Variants in RICTOR observed in about 807,000 individuals in gnomAD.
RICTOR encodes the protein RPTOR independent companion of MTOR complex 2.
In RICTOR, 49 loss-of-function variants were observed where a neutral mutation model predicts 214.9. That is an observed-to-expected ratio of 0.23 (90% CI 0.18 to 0.29). The LOEUF is 0.29. Ranked by LOEUF, RICTOR falls within the 10% of genes least tolerant of loss-of-function variation. RICTOR has a pLI of 1.00. For missense variants in RICTOR, 1,625 were observed against 2,047.0 expected, an observed-to-expected ratio of 0.79 and a Z score of 3.98; for synonymous variants, 717 against 711.3, an observed-to-expected ratio of 1.01 and a Z score of -0.13.
chr5:39,049,474 C>G (rs910483853), intron 2 of RICTOR, among the ~76,000 whole-genome samples: 8 of 152,102 alleles, frequency 5.3e-5, no homozygotes, highest in Non-Finnish European at 8.8e-5. Flanking sequence ...AACTATGGCA[C>G]CAAAGCAGCC....
intron 21 of RICTOR, among the ~76,000 whole-genome samples, 172 bp downstream of exon 21, chr5:38,959,607 A>C (rs1170149826): frequency 6.6e-6 from 1 of 152,180 alleles, no homozygotes; most frequent in East Asian, 1.9e-4. Context: ...AGCTTTTTGG[A>C]AAGAAAGCAT....
At position 38,939,295 on chromosome 5, in the gene RICTOR, G is replaced by C. The variant is rs1487588236; in HGVS notation, c.*3009C>G. ...GAATTATCTCAAGCTCTAGATAAAA[G>C]AGCTGAAACCCATTAAAGTTGTCAT... is the stretch of plus-strand genomic sequence containing the variant. On this transcript the variant is annotated 3_prime_UTR_variant, in exon 38 of 38. Coordinates refer to ENST00000357387, the MANE Select transcript of RICTOR (RefSeq NM_152756.5). 2 of 232,234 alleles carry C rather than the reference G, an allele frequency of 8.6e-6. No homozygotes were observed. Among genetic ancestry groups the C allele is most frequent in the African/African-American group, 2.2e-5 (1 of 45,274 alleles). 14.4% of individuals were successfully genotyped at this position (232,234 alleles called of 1,614,324 possible).
chr5:38,965,939 T>C (rs1040844875), intron 15 of RICTOR, among the ~76,000 whole-genome samples: 3 of 152,162 alleles, frequency 2.0e-5, no homozygotes, highest in Admixed American at 6.5e-5. Context: ...GTTCTTTTTA[T>C]TTTGTATTTA....
chr5:38,959,947 T>G lies in RICTOR; in HGVS notation c.1883A>C (p.Lys628Thr), dbSNP rs1579918843. 1.2e-6 allele frequency: 2 copies of G among 1,612,224 alleles called. No individual in the cohort carries two copies. Among genetic ancestry groups the G allele is most frequent in the Middle Eastern group, 3.4e-4 (2 of 5,964 alleles). ...AGCATTGAGCCACTGAACAATATCCTTTACTAGATCTTCTAAGTAGCCTTG... is the reference window on the plus strand; with the variant it reads ...AGCATTGAGCCACTGAACAATATCCGTTACTAGATCTTCTAAGTAGCCTTG... The part of the protein sequence containing the change: ...DGQGYLEDLV[K>T]DIVQWLNASS... The change falls in exon 21 of 38, where the codon AAG becomes ACG. Residue 628 changes from lysine (K) to threonine (T), a missense_variant. Around this residue, in one of 5 missense-constraint regions of RICTOR, gnomAD observed 1,214 missense variants for 1,470.5 expected, o/e 0.83. Transcript: ENST00000357387.
chr5:39,002,569 C>A lies in RICTOR; in HGVS notation c.358G>T (p.Val120Leu), dbSNP rs1753725658. ...LIQDSSILQK[V>L]LKLKVDYLIA... ...AAATAGTCCACTTTCAATTTTAGCA[C>A]CTTCTGGAGAATACTGGAGTCTTGG... The change falls in exon 5 of 38, where the codon GTG becomes TTG. Residue 120 changes from valine (V) to leucine (L), a missense_variant. Val to Leu is a conservative substitution (Grantham distance 32). This residue lies in a region of RICTOR where 258 missense variants were observed against 393.7 expected (regional missense o/e 0.66). Coordinates refer to ENST00000357387, the MANE Select transcript of RICTOR (RefSeq NM_152756.5). 3 of 1,610,390 alleles carry A rather than the reference C, an allele frequency of 1.9e-6. No individual in the cohort carries two copies. The highest frequency in any genetic ancestry group is 2.7e-5 in the African/African-American group (2 of 74,768).
At chr5:39,019,146 C>T (rs1360711165) in intron 3 of RICTOR, among the ~76,000 whole-genome samples, 1 of 152,004 alleles carries the variant, frequency 6.6e-6, no homozygotes, top group Admixed American at 6.6e-5. Context: ...GAATGGTTCA[C>T]GAGGTTAAAG....
At chr5:39,002,455 A>C in intron 5 of RICTOR, 80 bp downstream of exon 5, 1 of 875,766 alleles carries the variant, frequency 1.1e-6, no homozygotes, top group Non-Finnish European at 1.8e-6. Context: ...CTACAGTACA[A>C]ATCTATACAC....
chr5:39,006,335 T>G (rs868309765), intron 3 of RICTOR, among the ~76,000 whole-genome samples: 3 of 152,140 alleles, frequency 2.0e-5, no homozygotes, highest in Non-Finnish European at 2.9e-5. Flanking sequence ...GATGAATATA[T>G]GCCAGTTTAA....
At chr5:38,962,254 A>G in intron 19 of RICTOR, 61 bp downstream of exon 19, 4 of 703,678 alleles carry the variant, frequency 5.7e-6, no homozygotes, top group Non-Finnish European at 9.8e-6. Flanking sequence ...TTTAGCAGGT[A>G]TTAGGCCTAA....
chr5:38,945,299 AC>A (rs1330289325), intron 34 of RICTOR, 191 bp downstream of exon 34: 1 of 612,294 alleles, frequency 1.6e-6, no homozygotes, highest in Non-Finnish European at 2.9e-6. Context: ...GATCTGTCAG[AC>A]TCAGGCCCCA....
At chr5:39,035,048 G>C (rs1234726154) in intron 2 of RICTOR, among the ~76,000 whole-genome samples, 2 of 152,202 alleles carry the variant, frequency 1.3e-5, no homozygotes, top group South Asian at 2.1e-4. Context: ...TGACCCCTGA[G>C]CAGCCTAACT....
intron 2 of RICTOR, among the ~76,000 whole-genome samples, chr5:39,071,847 CA>C (rs1257753486): frequency 4.6e-5 from 7 of 152,112 alleles, no homozygotes. Context: ...TGGCATTAAA[CA>C]AAAAAATTTT....
chr5:39,025,707 G>GAAC (rs1755763738), intron 2 of RICTOR, among the ~76,000 whole-genome samples: 1 of 152,184 alleles, frequency 6.6e-6, no homozygotes, highest in East Asian at 1.9e-4. Context: ...TGGGGCTAGA[G>GAAC]AACTCCCTGG....
chr5:38,966,870 A>G (rs556893625), intron 14 of RICTOR, 149 bp from the exon 15 acceptor site: 56 of 596,790 alleles, frequency 9.4e-5, no homozygotes, highest in Non-Finnish European at 1.5e-4. Context: ...GCAAGATCTC[A>G]GCTCAGTATA....
At chr5:38,968,484 A>C (rs550509772) in intron 11 of RICTOR, among the ~76,000 whole-genome samples, 2 of 151,634 alleles carry the variant, frequency 1.3e-5, no homozygotes, top group Admixed American at 1.3e-4. Flanking sequence ...AACAAAACAA[A>C]AAAAAAAAAA....
chr5:38,993,034 T>C lies in RICTOR; in HGVS notation c.457-1959A>G, dbSNP rs371195875. 7.0e-4 allele frequency among the ~76,000 whole-genome samples: 106 copies of C among 152,160 alleles called. 1 individual carries two copies. In the South Asian group the frequency reaches 0.021, roughly 31 times the overall value. On this transcript the variant is annotated intron_variant, in intron 6 of 37. Coordinates refer to ENST00000357387, the MANE Select transcript of RICTOR (RefSeq NM_152756.5). Reference sequence around the variant, plus strand: ...AAGAGTAGGAAGGAAGTAACAATTGTGGTAGTAGTGGTGGGTAGTTTGCCT... The same window carrying C: ...AAGAGTAGGAAGGAAGTAACAATTGCGGTAGTAGTGGTGGGTAGTTTGCCT...
intron 17 of RICTOR, 48 bp downstream of exon 17, chr5:38,962,828 A>C (rs1231768235): frequency 2.0e-6 from 3 of 1,481,316 alleles, no homozygotes; most frequent in Non-Finnish European, 2.8e-6. Context: ...GTGGTTAAGG[A>C]ATTAAGATGT....
chr5:39,007,894 T>C lies in RICTOR; in HGVS notation c.196-4272A>G, dbSNP rs921017914. 1.0e-4 allele frequency among the ~76,000 whole-genome samples: 15 copies of C among 150,584 alleles called. No homozygotes were observed. The East Asian group carries it at 2.9e-3, about 29-fold the overall frequency. ...ATATTATTATATACTGGTAATGGGA[T>C]TGAAAACTGAAAATATTTTATAAAA... is the stretch of plus-strand genomic sequence containing the variant. On this transcript the variant is annotated intron_variant, in intron 3 of 37. Transcript: ENST00000357387.
intron 3 of RICTOR, 94 bp downstream of exon 3, chr5:39,020,945 C>T (rs1755374653): frequency 1.3e-6 from 1 of 742,330 alleles, no homozygotes; most frequent in Non-Finnish European, 2.5e-6. Flanking sequence ...AGTGAATACA[C>T]AAGAATTTGT....
Sources: allele counts gnomAD v4.1 joint callset (sites outside exome capture counted in the v4.1 genomes callset), GRCh38; gene constraint gnomAD v4.1.1; regional missense constraint gnomAD v4.1.1; transcripts MANE v1.5; gene names NCBI Gene and HGNC (gene_info 2026-07-23, HGNC 2026-07-21).